The following TSFM variants were observed in gnomAD, a reference collection of about 807,000 sequenced individuals.
TSFM encodes the protein elongation factor Ts, mitochondrial.
In TSFM, 29 loss-of-function variants were observed where a neutral mutation model predicts 33.4. The observed-to-expected ratio is 0.87, with a 90% CI of 0.65 to 1.18. The LOEUF (loss-of-function observed/expected upper bound fraction) is 1.18. Ranked by LOEUF, TSFM falls within the 50% of genes most tolerant of loss-of-function variation. The pLI, the probability that TSFM is intolerant of heterozygous loss-of-function variation, is 0.00. For missense variants in TSFM, 394 were observed against 395.6 expected (o/e 1.00, Z 0.04); for synonymous variants, 178 against 163.5 (o/e 1.09, Z -0.68).
intron 3 of TSFM, 82 bp from the exon 4 acceptor site, chr12:57,786,958 C>G: frequency 6.9e-7 from 1 of 1,455,312 alleles, no homozygotes; most frequent in Non-Finnish European, 9.2e-7. Flanking sequence ...CTATCAGTAT[C>G]TTGATTTATT....
At chr12:57,785,600 A>C (rs1423123389) in intron 2 of TSFM, among the ~76,000 whole-genome samples, 5 of 152,142 alleles carry the variant, frequency 3.3e-5, no homozygotes, top group African/African-American at 4.8e-5. Flanking sequence ...GTAGTTTATA[A>C]GTTGGAGTAC....
intron 4 of TSFM, among the ~76,000 whole-genome samples, chr12:57,790,898 G>T (rs1346085586): frequency 2.0e-5 from 3 of 150,474 alleles, no homozygotes; most frequent in Admixed American, 2.0e-4. Context: ...TAGAGATGAG[G>T]TTTCACCATA....
chr12:57,794,304 C>G (rs1314169544), intron 5 of TSFM, among the ~76,000 whole-genome samples: 5 of 152,166 alleles, frequency 3.3e-5, no homozygotes, highest in Non-Finnish European at 5.9e-5. Flanking sequence ...TTAGATATGA[C>G]TATGGCTAAT....
chr12:57,800,339 T>C, downstream of TSFM: 1 of 163,328 alleles, frequency 6.1e-6, no homozygotes, highest in Non-Finnish European at 1.4e-5. Flanking sequence ...TCTGAGTTTG[T>C]AGAGCACAAA....
At position 57,783,428 on chromosome 12, in the gene TSFM, C is replaced by T. The variant is rs950042800; in HGVS notation, c.231+145C>T. 1.0e-5 allele frequency: 11 copies of T among 1,058,204 alleles called. No individual in the cohort carries two copies. The African/African-American group carries it at 1.1e-4, about 11-fold the overall frequency. 65.6% of individuals were successfully genotyped at this position (1,058,204 alleles called of 1,614,324 possible). A position where few individuals can be genotyped will look rare whatever the true frequency, so the allele number is the denominator to read the frequency against. On this transcript the variant is annotated intron_variant, in intron 2 of 5. Transcript: ENST00000652027. ...AGTGGAAATCTGGCTTAAATGACAA[C>T]CTTGGCCTTGACTTTGTCTTATTTG... is the stretch of plus-strand genomic sequence containing the variant.
chr12:57,783,756 G>C (rs1458544195), intron 2 of TSFM: 4 of 578,978 alleles, frequency 6.9e-6, no homozygotes, highest in Non-Finnish European at 1.2e-5. Context: ...ACGACACCCG[G>C]CTATTTTATT....
intron 4 of TSFM, among the ~76,000 whole-genome samples, chr12:57,787,841 C>T (rs1466454129): frequency 2.0e-5 from 3 of 151,938 alleles, no homozygotes; most frequent in South Asian, 2.1e-4. Flanking sequence ...GCAGGAGAAT[C>T]GCTTGAACCC....
downstream of TSFM, among the ~76,000 whole-genome samples, chr12:57,801,617 A>G (rs926605700): frequency 2.6e-5 from 4 of 152,028 alleles, no homozygotes; most frequent in African/African-American, 9.7e-5. Flanking sequence ...GTGCATGCCT[A>G]TAATCCCAGC....
chr12:57,801,363 G>A (rs144234085), downstream of TSFM: 458 of 594,514 alleles, frequency 7.7e-4, 8 homozygotes, highest in African/African-American at 7.6e-3. Context: ...CCCCTTTTGG[G>A]TCCATGCAGG....
intron 2 of TSFM, chr12:57,783,986 A>G (rs1354531285): frequency 5.7e-6 from 4 of 702,824 alleles, no homozygotes; most frequent in African/African-American, 5.2e-5. Flanking sequence ...CTTAATAGGA[A>G]GATACATTCT....
chr12:57,798,402 G>A (rs1955779130), downstream of TSFM, among the ~76,000 whole-genome samples: 1 of 152,108 alleles, frequency 6.6e-6, no homozygotes, highest in Non-Finnish European at 1.5e-5. Context: ...ATGATCGGGT[G>A]GATCTTATTG....
rs1313764950 is a variant in TSFM, at chr12:57,782,817, T to G, written c.16T>G (p.Ser6Ala). 6.3e-7 allele frequency: 1 copy of G among 1,593,448 alleles called. No homozygotes were observed. The highest frequency in any genetic ancestry group is 8.5e-7 in the Non-Finnish European group (1 of 1,170,978). ...GGCTAGAGAGATGTCGCTGCTGCGG[T>G]CGCTGCGCGTGTTTCTGGTCGCGCG... MSLLR[S>A]LRVFLVARTG... The change falls in exon 1 of 6, where the codon TCG becomes GCG. Residue 6 changes from serine to alanine, a missense_variant. Coordinates refer to ENST00000652027, the MANE Select transcript of TSFM (RefSeq NM_005726.6).
chr12:57,795,362 A>C (rs1955719886), intron 5 of TSFM, among the ~76,000 whole-genome samples: 1 of 151,922 alleles, frequency 6.6e-6, no homozygotes, highest in Non-Finnish European at 1.5e-5. Flanking sequence ...GGCCTTCCAA[A>C]GTGCTGGGAT....
At chr12:57,783,799 A>G in intron 2 of TSFM, 1 of 610,672 alleles carries the variant, frequency 1.6e-6, no homozygotes, top group Non-Finnish European at 2.9e-6. Flanking sequence ...TATTTTTAGT[A>G]GAGATGGGGT....
At chr12:57,798,141 T>C (rs1301345203), downstream of TSFM, 6 of 536,156 alleles carry the variant, frequency 1.1e-5, no homozygotes, top group East Asian at 2.0e-4. Flanking sequence ...TGTTAAAGAT[T>C]TAAATTATTC....
Position 57,783,216 on chromosome 12 carries a change from G to A in TSFM, c.164G>A (p.Arg55Gln), listed in dbSNP as rs1429862676. The A allele has an allele frequency of 1.9e-6, 3 of 1,613,820 alleles. No homozygotes were observed. The highest frequency in any genetic ancestry group is 8.5e-7 in the Non-Finnish European group (1 of 1,179,896). The change falls in exon 2 of 6, where the codon CGG (arginine) becomes CAG (glutamine). Residue 55 changes from arginine (R) to glutamine (Q), a missense_variant. This residue lies in a region of TSFM where 208 missense variants were observed against 180.4 expected (regional missense o/e 1.15). Coordinates refer to ENST00000652027, the MANE Select transcript of TSFM (RefSeq NM_005726.6). The part of the protein sequence containing the change: ...SSKELLMKLR[R>Q]KTGYSFVNCK... ...AAGGAGCTCCTCATGAAGCTGCGGC[G>A]GAAAACAGGCTACTCCTTTGTAAAT...
intron 2 of TSFM, among the ~76,000 whole-genome samples, chr12:57,784,835 G>A (rs1389743000): frequency 3.3e-5 from 5 of 150,384 alleles, no homozygotes; most frequent in Admixed American, 6.6e-5. Flanking sequence ...AGCCGAGATC[G>A]TGCCATTGCA....
At chr12:57,783,465 G>A (rs1955542053) in intron 2 of TSFM, 182 bp downstream of exon 2, 3 of 760,822 alleles carry the variant, frequency 3.9e-6, no homozygotes, top group East Asian at 2.6e-5. Flanking sequence ...AAGCAGTTGA[G>A]TATCCCAGGA....
chr12:57,799,729 C>T (rs1955807909), downstream of TSFM: 4 of 1,604,020 alleles, frequency 2.5e-6, no homozygotes, highest in Non-Finnish European at 2.5e-6. Context: ...AGGCCATTTG[C>T]TGAGCTGAGT....
Sources: allele counts gnomAD v4.1 joint callset (sites outside exome capture counted in the v4.1 genomes callset), GRCh38; gene constraint gnomAD v4.1.1; regional missense constraint gnomAD v4.1.1; transcripts MANE v1.5; gene names NCBI Gene and HGNC (gene_info 2026-07-23, HGNC 2026-07-21).